The following NTN1 variants were observed in gnomAD, a reference collection of about 807,000 sequenced individuals.
NTN1 encodes the protein netrin 1, also known as netrin-1.
Under a neutral mutation model 54.2 loss-of-function variants are expected in NTN1, and 11 were observed. The ratio of observed to expected loss-of-function variants is 0.20; its 90% confidence interval spans 0.13 to 0.34. The LOEUF is 0.34. NTN1 is among the 10% of genes least tolerant of loss of function. NTN1 has a pLI of 1.00. For synonymous variants in NTN1, 371 were observed against 382.0 expected (o/e 0.97, Z 0.33); for missense variants, 740 against 893.1 (o/e 0.83, Z 2.18).
At chr17:9,086,449 A>T (rs992300926) in intron 2 of NTN1, among the ~76,000 whole-genome samples, 2 of 152,152 alleles carry the variant, frequency 1.3e-5, no homozygotes, top group African/African-American at 4.8e-5. Flanking sequence ...AGTGGAGAGA[A>T]CCATAGGGTT....
intron 2 of NTN1, among the ~76,000 whole-genome samples, chr17:9,053,010 G>A (rs1030752664): frequency 6.6e-6 from 1 of 152,190 alleles, no homozygotes; most frequent in African/African-American, 2.4e-5. Context: ...TAAGAACCAG[G>A]CCCAAAGTTG....
intron 2 of NTN1, among the ~76,000 whole-genome samples, chr17:9,125,665 G>A (rs984612519): frequency 1.3e-5 from 2 of 152,006 alleles, no homozygotes. Flanking sequence ...TAGTGCAGTG[G>A]TGCAATCATA....
At position 9,022,555 on chromosome 17, in the gene NTN1, G is replaced by T. The variant is rs1212597776; in HGVS notation, c.182G>T (p.Gly61Val). The T allele has an allele frequency of 6.5e-7, 1 of 1,548,598 alleles. No individual in the cohort carries two copies. Among genetic ancestry groups the T allele is most frequent in the Non-Finnish European group, 8.7e-7 (1 of 1,148,814 alleles). The change falls in exon 2 of 7, where the codon GGC becomes GTC. Residue 61 changes from glycine (G) to valine (V), a missense_variant. Coordinates refer to ENST00000173229, the MANE Select transcript of NTN1 (RefSeq NM_004822.3). The part of the protein sequence containing the change: ...CIPDFVNAAF[G>V]KDVRVSSTCG... ...CCGGACTTTGTCAATGCGGCCTTCGGCAAGGACGTGCGCGTGTCCAGCACC... is the reference window on the plus strand; with the variant it reads ...CCGGACTTTGTCAATGCGGCCTTCGTCAAGGACGTGCGCGTGTCCAGCACC...
At chr17:9,007,381 C>T in the NTN1 span, among the ~76,000 whole-genome samples, 2 of 139,180 alleles carry the variant, frequency 1.4e-5, no homozygotes, top group African/African-American at 5.4e-5. Context: ...TCCTTCCTTC[C>T]TTGTCTTTCT....
At chr17:9,126,153 G>A (rs1375015184) in intron 2 of NTN1, among the ~76,000 whole-genome samples, 1 of 152,234 alleles carries the variant, frequency 6.6e-6, no homozygotes, top group African/African-American at 2.4e-5. Context: ...GAATTGAATA[G>A]GATCATGAGC....
intron 6 of NTN1, among the ~76,000 whole-genome samples, chr17:9,229,596 T>C (rs1004865899): frequency 1.3e-5 from 2 of 152,036 alleles, no homozygotes; most frequent in African/African-American, 4.8e-5. Flanking sequence ...GGCCACTGAC[T>C]CTGGATGAGC....
intron 5 of NTN1, among the ~76,000 whole-genome samples, chr17:9,186,188 ACTCC>A (rs940146572): frequency 6.7e-6 from 1 of 149,046 alleles, no homozygotes; most frequent in African/African-American, 2.5e-5. Flanking sequence ...TGGTGTCAAT[ACTCC>A]CTCCCTGGCT....
chr17:9,144,744 G>A (rs756884144), intron 2 of NTN1, among the ~76,000 whole-genome samples: 2 of 152,244 alleles, frequency 1.3e-5, no homozygotes, highest in Non-Finnish European at 2.9e-5. Context: ...CAGCCTCAGT[G>A]GGGTTTGCTG....
intron 2 of NTN1, among the ~76,000 whole-genome samples, chr17:9,086,824 G>A (rs2092091517): frequency 1.3e-5 from 2 of 151,712 alleles, no homozygotes; most frequent in South Asian, 2.1e-4. Context: ...CACCATCATC[G>A]TTGCTGTCAT....
intron 2 of NTN1, among the ~76,000 whole-genome samples, chr17:9,143,227 G>A (rs2092303478): frequency 6.6e-6 from 1 of 152,192 alleles, no homozygotes; most frequent in African/African-American, 2.4e-5. Flanking sequence ...TCCAGAGCCC[G>A]GGGCCTTGGC....
intron 2 of NTN1, among the ~76,000 whole-genome samples, chr17:9,077,565 C>A (rs1169493914): frequency 6.6e-6 from 1 of 152,132 alleles, no homozygotes; most frequent in African/African-American, 2.4e-5. Context: ...ACCAAATCAG[C>A]TAAGGCAAAG....
intron 2 of NTN1, among the ~76,000 whole-genome samples, chr17:9,043,899 A>AT (rs1177783866): frequency 6.6e-6 from 1 of 151,484 alleles, no homozygotes; most frequent in Non-Finnish European, 1.5e-5. Flanking sequence ...AATTCTCTTA[A>AT]TTTTTTTATC....
At chr17:9,024,487 T>A (rs1392121256) in intron 2 of NTN1, among the ~76,000 whole-genome samples, 7 of 152,356 alleles carry the variant, frequency 4.6e-5, no homozygotes, top group Non-Finnish European at 1.0e-4. Context: ...AAACAGCCAG[T>A]GTGAGGCTCT....
At chr17:9,238,919 C>T (rs145752780) in intron 6 of NTN1, among the ~76,000 whole-genome samples, 1 of 152,250 alleles carries the variant, frequency 6.6e-6, no homozygotes, top group Non-Finnish European at 1.5e-5. Flanking sequence ...CACAAGCCGG[C>T]CAGGGGATTC....
chr17:9,179,605 G>A (rs1311064006), intron 3 of NTN1, among the ~76,000 whole-genome samples: 2 of 152,180 alleles, frequency 1.3e-5, no homozygotes, highest in African/African-American at 4.8e-5. Context: ...GTCCATTTTG[G>A]TTTTTATTCT....
At chr17:9,237,786 G>A (rs749040570) in intron 6 of NTN1, among the ~76,000 whole-genome samples, 5 of 152,246 alleles carry the variant, frequency 3.3e-5, no homozygotes, top group Non-Finnish European at 5.9e-5. Flanking sequence ...CAGTTGCCAC[G>A]GTGACCTCTG....
chr17:9,181,633 C>T (rs2092419220), intron 4 of NTN1, among the ~76,000 whole-genome samples: 1 of 152,196 alleles, frequency 6.6e-6, no homozygotes, highest in Non-Finnish European at 1.5e-5. Flanking sequence ...GCAGAGGATG[C>T]CTCCGGTGCC....
In NTN1 at chr17:9,023,046, G is replaced by C. The variant is rs1417255509; in HGVS notation, c.673G>C (p.Gly225Arg). The C allele has an allele frequency of 6.3e-7, 1 of 1,590,332 alleles. No homozygotes were observed. The highest frequency in any genetic ancestry group is 8.5e-7 in the Non-Finnish European group (1 of 1,170,062). ...CCTCATCGCCTTCAGCACGCTGGACGGGCGGCCCTCGGCGCACGACTTCGA... is the reference window on the plus strand; with the variant it reads ...CCTCATCGCCTTCAGCACGCTGGACCGGCGGCCCTCGGCGCACGACTTCGA... ...GGLIAFSTLD[G>R]RPSAHDFDNS... Residue 225 changes from glycine (G) to arginine (R), a missense_variant, in exon 2 of 7, where the codon GGG becomes CGG. Coordinates refer to ENST00000173229, the MANE Select transcript of NTN1 (RefSeq NM_004822.3).
intron 2 of NTN1, among the ~76,000 whole-genome samples, chr17:9,040,499 G>A (rs942519280): frequency 4.6e-5 from 7 of 151,864 alleles, no homozygotes; most frequent in Admixed American, 1.3e-4. Flanking sequence ...TTTTTAATTC[G>A]TTCTCACAGT....
Sources: allele counts gnomAD v4.1 joint callset (sites outside exome capture counted in the v4.1 genomes callset), GRCh38; gene constraint gnomAD v4.1.1; transcripts MANE v1.5; gene names NCBI Gene and HGNC (gene_info 2026-07-23, HGNC 2026-07-21).